The following KCNT1 variants were observed in gnomAD, a reference collection of about 807,000 sequenced individuals.
KCNT1 encodes potassium channel subfamily T member 1.
A neutral mutation model predicts 147.8 loss-of-function variants in KCNT1; 78 were observed. The ratio of observed to expected loss-of-function variants is 0.53; its 90% CI spans 0.44 to 0.64. KCNT1 has a LOEUF of 0.64. KCNT1 is among the 30% of genes least tolerant of loss of function. The probability of loss-of-function intolerance (pLI) is 0.00; values close to 1 mark genes in which losing one functional copy is unlikely to be tolerated. For missense variants in KCNT1, 1,419 were observed against 1,750.3 expected (o/e 0.81, Z 3.38); for synonymous variants, 867 against 748.8 (o/e 1.16, Z -2.58).
At chr9:135,776,500 C>T (rs1833180824) in intron 20 of KCNT1, among the ~76,000 whole-genome samples, 1 of 152,174 alleles carries the variant, frequency 6.6e-6, no homozygotes, top group African/African-American at 2.4e-5. Flanking sequence ...CTCCTGGACT[C>T]AAGTGATCCT....
intron 2 of KCNT1, chr9:135,736,687 G>T: frequency 3.0e-6 from 1 of 332,416 alleles, no homozygotes; most frequent in South Asian, 1.4e-4. Flanking sequence ...GGGCCCGGGG[G>T]GCGCCCCAGC....
chr9:135,762,956 G>A (rs995241366), intron 11 of KCNT1, among the ~76,000 whole-genome samples: 6 of 152,254 alleles, frequency 3.9e-5, no homozygotes, highest in East Asian at 1.9e-4. Context: ...CTCGAGCTCC[G>A]TGTCCACAGT....
At chr9:135,776,162 TAGC>T (rs1187172958) in intron 20 of KCNT1, among the ~76,000 whole-genome samples, 1 of 152,152 alleles carries the variant, frequency 6.6e-6, no homozygotes. Flanking sequence ...CTTCTGGAGT[TAGC>T]AGCTTCTCTG....
In KCNT1 at chr9:135,775,347, G is replaced by A. The variant is rs761987610; in HGVS notation, c.2281G>A (p.Gly761Ser). Residue 761 changes from glycine (G) to serine (S), a missense_variant, in exon 20 of 31, where the codon GGC becomes AGC. By Grantham distance (56) the Gly-to-Ser change is moderately conservative (BLOSUM62 0). Around this residue, in one of 5 missense-constraint regions of KCNT1, gnomAD observed 247 missense variants for 397.1 expected, o/e 0.62. Transcript: ENST00000371757. ...CTACCCTCCCAACTCGCCCTACATC[G>A]GCAGCTCCCCAACCCTGTGCCACCT... ...KGYPPNSPYIGSSPTLCHLLP... is the reference protein window; with the variant it reads ...KGYPPNSPYISSSPTLCHLLP... 1.5e-5 allele frequency: 24 copies of A among 1,609,430 alleles called. No homozygotes were observed. The highest frequency in any genetic ancestry group is 1.8e-5 in the Non-Finnish European group (21 of 1,177,838).
rs1245224043 is a variant in KCNT1 at position 135,792,079 on chromosome 9, G to A, written c.3626G>A (p.Ser1209Asn). 2 of 1,604,216 alleles carry A rather than the reference G, an allele frequency of 1.2e-6. No homozygotes were observed. The highest frequency in any genetic ancestry group is 2.7e-5 in the African/African-American group (2 of 74,898). ...TCCGACCCCCTGGCTCACGTGGCCAGCAGCTCCCAGAGCCGGAAGAGCAGC... is the reference window on the plus strand; with the variant it reads ...TCCGACCCCCTGGCTCACGTGGCCAACAGCTCCCAGAGCCGGAAGAGCAGC... ...IRSDPLAHVA[S>N]SSQSRKSSCS... The change falls in exon 31 of 31, where the codon AGC (serine) becomes AAC (asparagine). Residue 1209 changes from serine (S) to asparagine (N), a missense_variant. Physicochemically the swap from Ser to Asn is conservative, Grantham distance 46 (BLOSUM62 1). Transcript: ENST00000371757.
At chr9:135,713,905 C>T (rs1835609147) in intron 1 of KCNT1, among the ~76,000 whole-genome samples, 2 of 152,226 alleles carry the variant, frequency 1.3e-5, no homozygotes, top group South Asian at 2.1e-4. Flanking sequence ...GCTGCCAGCT[C>T]TCTGTGTCCC....
intron 16 of KCNT1, 73 bp from the exon 17 acceptor site, chr9:135,770,225 T>C: frequency 6.6e-7 from 1 of 1,524,982 alleles, no homozygotes. Context: ...GGGGGGCACC[T>C]GCAGACCCAG....
rs548565414 is a variant in KCNT1, at chr9:135,776,425, TTTTA to T, written c.2350-897_2350-894del. Among the ~76,000 whole-genome samples, 870 of 152,082 alleles carry T rather than the reference TTTTA, an allele frequency of 5.7e-3. 6 individuals are homozygous for T. The highest frequency in any genetic ancestry group is 0.014 in the Admixed American group (209 of 15,264). On this transcript the variant is annotated intron_variant, in intron 20 of 30. Transcript: ENST00000371757. ...GGCACGCACCACCACACCTGGCTAA[TTTTA>T]TTTATTTATTTATTTTTTGTAGTGA...
At chr9:135,727,700 C>T (rs1180466824) in intron 2 of KCNT1, among the ~76,000 whole-genome samples, 1 of 152,234 alleles carries the variant, frequency 6.6e-6, no homozygotes, top group Non-Finnish European at 1.5e-5. Flanking sequence ...GGCCCCCAGC[C>T]CCTGGGTACT....
At chr9:135,747,507 C>T (rs1338266101) in intron 2 of KCNT1, among the ~76,000 whole-genome samples, 1 of 152,094 alleles carries the variant, frequency 6.6e-6, no homozygotes, top group Non-Finnish European at 1.5e-5. Context: ...CCAGACCAGG[C>T]CCAGCGCAGC....
At chr9:135,780,078 T>TCAGGTGTGGAACCCAGGGG (rs1833497305) in intron 24 of KCNT1, among the ~76,000 whole-genome samples, 1 of 152,280 alleles carries the variant, frequency 6.6e-6, no homozygotes, top group African/African-American at 2.4e-5. Flanking sequence ...CCACCCAGGG[T>TCAGGTGTGGAACCCAGGGG]CAGGTGTGGA....
chr9:135,719,691 T>C (rs509661), intron 2 of KCNT1, among the ~76,000 whole-genome samples: 92,639 of 152,060 alleles, frequency 0.61, 28,448 homozygotes, highest in East Asian at 0.83. Flanking sequence ...GGCTGGGGCT[T>C]CCGGCAGGCA....
Position 135,765,095 on chromosome 9 carries a change from G to A in KCNT1, c.1100G>A (p.Arg367His), listed in dbSNP as rs1400096269. ...QKSGGNYSRH[R>H]AQTEKHVVLC... is the part of the protein sequence containing the mutation. ...TCAGGGGGCAACTACAGCCGCCACC[G>A]TGCGCAGACGGAGAAGCACGTGGTC... is the stretch of plus-strand genomic sequence containing the variant. Residue 367 changes from arginine to histidine, a missense_variant, in exon 12 of 31, where the codon CGT becomes CAT. Coordinates refer to ENST00000371757, the MANE Select transcript of KCNT1 (RefSeq NM_020822.3). 1.1e-5 allele frequency: 18 copies of A among 1,613,334 alleles called. No homozygotes were observed. The highest frequency in any genetic ancestry group is 1.3e-5 in the African/African-American group (1 of 74,906).
rs1489187704 is a variant in KCNT1, at chr9:135,784,561, C to T, written c.2970C>T (p.Thr990=). ...YQSFVKDYMI[T]ITRLLLGLDT... ...CCTTCGTGAAGGACTACATGATCAC[C>T]ATCACCCGGCTGCTGCTGGGCCTGG... The change falls in exon 26 of 31, where the codon ACC becomes ACT. Residue 990 remains threonine (T), a synonymous_variant. Coordinates refer to ENST00000371757, the MANE Select transcript of KCNT1 (RefSeq NM_020822.3). 1.2e-5 allele frequency: 18 copies of T among 1,472,622 alleles called. No individual in the cohort carries two copies. The highest frequency in any genetic ancestry group is 1.6e-5 in the Non-Finnish European group (17 of 1,094,574). 91.2% of individuals were successfully genotyped at this position (1,472,622 alleles called of 1,614,324 possible).
intron 29 of KCNT1, chr9:135,789,578 G>A (rs1229932789): frequency 2.0e-5 from 3 of 152,290 alleles, no homozygotes; most frequent in African/African-American, 7.2e-5. Flanking sequence ...AGGAAACTGA[G>A]GCTCGGGTGG....
chr9:135,786,627 C>A, intron 29 of KCNT1, 106 bp downstream of exon 29: 1 of 1,070,722 alleles, frequency 9.3e-7, no homozygotes, highest in Non-Finnish European at 1.3e-6. Context: ...GGCCGTCCTC[C>A]TGTCTGTCAT....
chr9:135,745,587 G>T (rs1830787415), intron 2 of KCNT1, among the ~76,000 whole-genome samples: 1 of 152,228 alleles, frequency 6.6e-6, no homozygotes, highest in African/African-American at 2.4e-5. Flanking sequence ...GAGCCTGTGA[G>T]CAAGGGCGTC....
At chr9:135,722,501 C>G (rs779182969) in intron 2 of KCNT1, among the ~76,000 whole-genome samples, 1 of 152,246 alleles carries the variant, frequency 6.6e-6, no homozygotes, top group Non-Finnish European at 1.5e-5. Context: ...TCCACTGTTC[C>G]GTTTCCATCA....
At chr9:135,733,388 GC>G (rs1469106058) in intron 2 of KCNT1, among the ~76,000 whole-genome samples, 1 of 7,048 alleles carries the variant, frequency 1.4e-4, no homozygotes, top group Admixed American at 2.4e-3. Context: ...CCCCACAACT[GC>G]CCCCCATACC....
Sources: gnomAD v4.1 joint callset for allele counts (sites outside exome capture counted in the v4.1 genomes callset) on GRCh38, gnomAD v4.1.1 for gene constraint, gnomAD v4.1.1 regional missense constraint, MANE v1.5 for transcripts, NCBI Gene and HGNC (gene_info 2026-07-23, HGNC 2026-07-21) for gene names.